The following CACNA2D3 variants were observed in gnomAD, a reference collection of about 807,000 sequenced individuals.
CACNA2D3 encodes the protein voltage-dependent calcium channel subunit alpha-2/delta-3.
In CACNA2D3, 60 loss-of-function variants were observed where a neutral mutation model predicts 160.6. The observed-to-expected ratio is 0.37, with a 90% confidence interval of 0.30 to 0.46. CACNA2D3 has a LOEUF of 0.46. Among genes scored for constraint, CACNA2D3 ranks in the 20% least tolerant of loss-of-function variants. The probability of loss-of-function intolerance (pLI) is 1.00; values close to 1 mark genes in which losing one functional copy is unlikely to be tolerated. For missense variants in CACNA2D3, 1,205 were observed against 1,365.0 expected, an observed-to-expected ratio of 0.88 and a Z score of 1.85; for synonymous variants, 558 against 492.9, an observed-to-expected ratio of 1.13 and a Z score of -1.75.
At chr3:54,558,841 C>A (rs909792355) in intron 5 of CACNA2D3, among the ~76,000 whole-genome samples, 1 of 152,110 alleles carries the variant, frequency 6.6e-6, no homozygotes, top group African/African-American at 2.4e-5. Context: ...AACCTCAGAT[C>A]AGAGAGGCTT....
chr3:54,408,827 T>C (rs1699618858), intron 4 of CACNA2D3, among the ~76,000 whole-genome samples: 1 of 152,250 alleles, frequency 6.6e-6, no homozygotes. Flanking sequence ...TAAGTGTCCA[T>C]TTGTTGCTTA....
intron 17 of CACNA2D3, among the ~76,000 whole-genome samples, chr3:54,848,981 C>T (rs1191713757): frequency 6.6e-6 from 1 of 152,206 alleles, no homozygotes; most frequent in Non-Finnish European, 1.5e-5. Context: ...GTTCTGTCCT[C>T]AGCTTCCGTA....
rs1699739744 is a variant in CACNA2D3 at position 54,879,381 on chromosome 3, A to G, written c.1814A>G (p.Tyr605Cys). The G allele has an allele frequency of 3.7e-6, 6 of 1,608,014 alleles. No individual in the cohort carries two copies. The highest frequency in any genetic ancestry group is 5.1e-6 in the Non-Finnish European group (6 of 1,178,196). ...GTTTTGGTGATGACAAATGACTACT[A>G]TTATACAGACATCAAGGGTACTCCT... ...KRVLVMTNDY[Y>C]YTDIKGTPFS... is the part of the protein sequence containing the mutation. The change falls in exon 20 of 38, where the codon TAT becomes TGT. Residue 605 changes from tyrosine (Y) to cysteine (C), a missense_variant. This residue lies in a region of CACNA2D3 where 911 missense variants were observed against 1,002.2 expected (regional missense o/e 0.91). Transcript: ENST00000474759.
intron 4 of CACNA2D3, among the ~76,000 whole-genome samples, chr3:54,466,760 G>T (rs750402471): frequency 7.2e-5 from 11 of 152,192 alleles, no homozygotes; most frequent in Admixed American, 2.0e-4. Flanking sequence ...TTTGTTAGTT[G>T]CCTAACACTG....
chr3:54,756,273 A>G (rs1701969098), intron 12 of CACNA2D3, among the ~76,000 whole-genome samples: 1 of 152,122 alleles, frequency 6.6e-6, no homozygotes, highest in Non-Finnish European at 1.5e-5. Flanking sequence ...TTCTATGTAA[A>G]GAGCCTTGGG....
chr3:55,034,036 GT>G (rs1331674514), intron 35 of CACNA2D3, among the ~76,000 whole-genome samples: 2 of 150,728 alleles, frequency 1.3e-5, no homozygotes, highest in African/African-American at 4.9e-5. Context: ...GAATATCTTT[GT>G]ATAAGATGCA....
intron 2 of CACNA2D3, among the ~76,000 whole-genome samples, chr3:54,311,373 C>T (rs7428097): frequency 0.12 from 18,705 of 152,216 alleles, 1,248 homozygotes; most frequent in East Asian, 0.23. Context: ...TGACTCATGA[C>T]CGTCTCATTA....
chr3:54,192,030 AC>A (rs1700994066), intron 2 of CACNA2D3, among the ~76,000 whole-genome samples: 1 of 151,786 alleles, frequency 6.6e-6, no homozygotes, highest in East Asian at 1.9e-4. Flanking sequence ...GCCTTCTAGC[AC>A]ATTCATGGTC....
intron 17 of CACNA2D3, among the ~76,000 whole-genome samples, chr3:54,856,215 C>T (rs1371064231): frequency 6.6e-6 from 1 of 151,796 alleles, no homozygotes; most frequent in Admixed American, 6.6e-5. Context: ...CACAATGAAA[C>T]AATATGTTAT....
In CACNA2D3 at chr3:54,142,650, G is replaced by A. The variant is rs150658776; in HGVS notation, c.204+19056G>A. On this transcript the variant is annotated intron_variant, in intron 2 of 37. Transcript: ENST00000474759. ...TTGTTGAACATTTAATGTAAGCCCAGACAGCATTCAGAATACCTAAGACAT... is the reference window on the plus strand; with the variant it reads ...TTGTTGAACATTTAATGTAAGCCCAAACAGCATTCAGAATACCTAAGACAT... Among the ~76,000 whole-genome samples, 808 of 152,188 alleles carry A rather than the reference G, an allele frequency of 5.3e-3. 12 individuals are homozygous for A. The highest frequency in any genetic ancestry group is 0.019 in the African/African-American group (785 of 41,510).
intron 35 of CACNA2D3, among the ~76,000 whole-genome samples, chr3:55,020,605 T>G (rs1264682739): frequency 6.6e-6 from 1 of 151,976 alleles, no homozygotes; most frequent in Non-Finnish European, 1.5e-5. Context: ...ATCTCAACAC[T>G]TTGGGAGGCC....
chr3:54,626,382 G>A (rs1413524092), intron 9 of CACNA2D3: 16 of 1,567,160 alleles, frequency 1.0e-5, no homozygotes, highest in Non-Finnish European at 1.7e-6. Flanking sequence ...ACTCCCTGCT[G>A]AAGTGCCTGC....
At chr3:54,648,812 T>TGAGAGAGGAGGAGGTAAGA (rs1241753205) in intron 11 of CACNA2D3, among the ~76,000 whole-genome samples, 2 of 152,158 alleles carry the variant, frequency 1.3e-5, no homozygotes, top group African/African-American at 4.8e-5. Flanking sequence ...TGTCACATGG[T>TGAGAGAGGAGGAGGTAAGA]GAGAGAGGAG....
chr3:54,568,447 TAAAA>T (rs752078844), intron 6 of CACNA2D3, among the ~76,000 whole-genome samples: 4 of 152,112 alleles, frequency 2.6e-5, no homozygotes, highest in Non-Finnish European at 5.9e-5. Context: ...AAACAAAAAA[TAAAA>T]AATTATCTTT....
chr3:54,695,066 G>A (rs1700640068), intron 11 of CACNA2D3, among the ~76,000 whole-genome samples: 1 of 152,024 alleles, frequency 6.6e-6, no homozygotes, highest in African/African-American at 2.4e-5. Context: ...CACCCAGGCT[G>A]GAGTGCAATG....
chr3:55,008,289 T>C (rs544566842), intron 33 of CACNA2D3, among the ~76,000 whole-genome samples: 1 of 152,338 alleles, frequency 6.6e-6, no homozygotes, highest in South Asian at 2.1e-4. Context: ...TTTCATTGTT[T>C]ATTCTGTCAA....
At chr3:54,945,244 G>A (rs1701583462) in intron 27 of CACNA2D3, among the ~76,000 whole-genome samples, 1 of 152,202 alleles carries the variant, frequency 6.6e-6, no homozygotes, top group Admixed American at 6.5e-5. Context: ...GGCATGTGCA[G>A]CAGAATACAT....
chr3:54,900,826 G>A (rs1367287971), intron 27 of CACNA2D3, among the ~76,000 whole-genome samples: 2 of 152,194 alleles, frequency 1.3e-5, no homozygotes, highest in Non-Finnish European at 2.9e-5. Context: ...GTTCTTTGGC[G>A]AGGAAATACT....
intron 2 of CACNA2D3, among the ~76,000 whole-genome samples, chr3:54,226,888 T>C (rs536436830): frequency 2.6e-5 from 4 of 152,344 alleles, no homozygotes; most frequent in Non-Finnish European, 5.9e-5. Flanking sequence ...CAAATACATA[T>C]TATCTGTACT....
Sources: gnomAD v4.1 joint callset for allele counts (sites outside exome capture counted in the v4.1 genomes callset) on GRCh38, gnomAD v4.1.1 for gene constraint, gnomAD v4.1.1 regional missense constraint, MANE v1.5 for transcripts, NCBI Gene and HGNC (gene_info 2026-07-23, HGNC 2026-07-21) for gene names.